The following KRT8 variants were observed in gnomAD, a reference collection of about 807,000 sequenced individuals.
KRT8 encodes the protein keratin, type II cytoskeletal 8.
A neutral mutation model predicts 43.0 loss-of-function variants in KRT8; 24 were observed. The ratio of observed to expected loss-of-function variants is 0.56; its 90% CI spans 0.40 to 0.78. KRT8 has a LOEUF of 0.78. KRT8 is among the 30% of genes least tolerant of loss of function. The pLI is 0.00. For synonymous variants in KRT8, 214 were observed against 261.2 expected, an observed-to-expected ratio of 0.82 and a Z score of 1.74; for missense variants, 492 against 638.4, an observed-to-expected ratio of 0.77 and a Z score of 2.47.
chr12:52,940,626 T>C (rs1942252353), intron 2 of KRT8, among the ~76,000 whole-genome samples: 1 of 35,054 alleles, frequency 2.9e-5, no homozygotes, highest in Non-Finnish European at 6.5e-5. Flanking sequence ...ACACAGTGGA[T>C]TTTTTTTTTT....
At chr12:52,897,193 G>A (rs1376824374) in exon 8 of KRT8, 1 of 604,380 alleles carries the variant, frequency 1.7e-6, no homozygotes, top group Admixed American at 2.3e-5. Flanking sequence ...CAAGGACATT[G>A]GCAGAGCTAG....
chr12:52,945,150 G>T (rs570709340), intron 2 of KRT8, among the ~76,000 whole-genome samples: 1 of 152,238 alleles, frequency 6.6e-6, no homozygotes, highest in East Asian at 1.9e-4. Context: ...TTTTCCTTTG[G>T]GTTCTACCCC....
intron 2 of KRT8, among the ~76,000 whole-genome samples, chr12:52,937,612 C>T (rs1257174373): frequency 2.0e-5 from 3 of 150,432 alleles, no homozygotes; most frequent in Non-Finnish European, 4.4e-5. Context: ...CACTTGAATC[C>T]GGGAGGCAAA....
intron 2 of KRT8, among the ~76,000 whole-genome samples, chr12:52,922,560 C>G (rs1450048905): frequency 2.0e-5 from 3 of 152,186 alleles, no homozygotes; most frequent in African/African-American, 7.2e-5. Flanking sequence ...GTAATTCCAG[C>G]TACTCGGGAG....
chr12:52,936,461 T>C (rs958096802), intron 2 of KRT8, among the ~76,000 whole-genome samples: 2 of 152,140 alleles, frequency 1.3e-5, no homozygotes, highest in Admixed American at 1.3e-4. Flanking sequence ...ATTTTATGTT[T>C]TGTAGAAAAG....
intron 2 of KRT8, among the ~76,000 whole-genome samples, chr12:52,918,187 GAAGAAGAAGAAGAAGAACAAGAA>G (rs1941802593): frequency 1.7e-5 from 2 of 117,692 alleles, no homozygotes; most frequent in African/African-American, 7.2e-5. Flanking sequence ...AGAGGAAGAA[GAAGAAGAAGAAGAAGAACAAGAA>G]GAAGAAGAAG....
At chr12:52,934,104 CT>C (rs985535239) in intron 2 of KRT8, among the ~76,000 whole-genome samples, 1 of 151,696 alleles carries the variant, frequency 6.6e-6, no homozygotes, top group African/African-American at 2.4e-5. Flanking sequence ...TGGCATGTGC[CT>C]GTAGTCCCAG....
At chr12:52,931,678 T>C (rs1164704465) in intron 2 of KRT8, among the ~76,000 whole-genome samples, 1 of 129,310 alleles carries the variant, frequency 7.7e-6, no homozygotes, top group Non-Finnish European at 1.7e-5. Context: ...ATATATATAT[T>C]TGAGACGGAG....
chr12:52,915,993 G>A (rs1941733117), intron 2 of KRT8, among the ~76,000 whole-genome samples: 3 of 152,190 alleles, frequency 2.0e-5, no homozygotes, highest in Admixed American at 2.0e-4. Context: ...AGAGCCCTTA[G>A]ATCAAGCTGA....
At chr12:52,925,431 G>A (rs1387565998) in intron 2 of KRT8, among the ~76,000 whole-genome samples, 4 of 152,114 alleles carry the variant, frequency 2.6e-5, no homozygotes, top group Admixed American at 6.5e-5. Flanking sequence ...AGGTATGAAT[G>A]GCGCCATTTA....
chr12:52,922,719 A>G (rs904072892), intron 2 of KRT8, among the ~76,000 whole-genome samples: 1 of 152,144 alleles, frequency 6.6e-6, no homozygotes, highest in Non-Finnish European at 1.5e-5. Flanking sequence ...AAATAACCTC[A>G]TTTTACAGAT....
chr12:52,925,588 C>A (rs542000131), intron 2 of KRT8, among the ~76,000 whole-genome samples: 1 of 152,056 alleles, frequency 6.6e-6, no homozygotes, highest in South Asian at 2.1e-4. Flanking sequence ...ATCTCTTTGG[C>A]GGAGGTGGGG....
chr12:52,949,067 G>A (rs1942407106), intron 2 of KRT8: 4 of 1,077,148 alleles, frequency 3.7e-6, no homozygotes, highest in South Asian at 1.3e-5. Context: ...GCTCCGGGGC[G>A]GGGGCGGGGC....
intron 2 of KRT8, among the ~76,000 whole-genome samples, chr12:52,938,518 T>C (rs1425368222): frequency 6.6e-6 from 1 of 151,898 alleles, no homozygotes; most frequent in Non-Finnish European, 1.5e-5. Flanking sequence ...GGCTCAGGCA[T>C]GTAATCCCAG....
intron 2 of KRT8, among the ~76,000 whole-genome samples, chr12:52,921,158 C>T (rs1008676141): frequency 3.3e-5 from 5 of 152,204 alleles, no homozygotes; most frequent in African/African-American, 1.2e-4. Context: ...CCCATGGCAA[C>T]ACAACTAATT....
At chr12:52,944,507 C>T (rs1291627356) in intron 2 of KRT8, among the ~76,000 whole-genome samples, 2 of 152,166 alleles carry the variant, frequency 1.3e-5, no homozygotes, top group African/African-American at 4.8e-5. Flanking sequence ...ACTGGGGTTG[C>T]ACCTGAGGAG....
chr12:52,926,355 A>T, intron 2 of KRT8: 1 of 439,896 alleles, frequency 2.3e-6, no homozygotes. Context: ...CACCCCCAGG[A>T]CTGTGCCCTC....
At chr12:52,898,951 T>C in intron 5 of KRT8, 52 bp from the exon 6 acceptor site, 1 of 1,523,740 alleles carries the variant, frequency 6.6e-7, no homozygotes, top group Non-Finnish European at 9.0e-7. Context: ...CCTTCTCTTC[T>C]CCCGTGCTCC....
At chr12:52,941,044 G>A (rs1942259547) in intron 2 of KRT8, among the ~76,000 whole-genome samples, 1 of 151,008 alleles carries the variant, frequency 6.6e-6, no homozygotes, top group Admixed American at 6.7e-5. Context: ...GCTACTGTAG[G>A]CAAATTGTGC....
Sources: allele counts gnomAD v4.1 joint callset (sites outside exome capture counted in the v4.1 genomes callset), GRCh38; gene constraint gnomAD v4.1.1; transcripts MANE v1.5; gene names NCBI Gene and HGNC (gene_info 2026-07-23, HGNC 2026-07-21).